The following TAFA1 variants were observed in gnomAD, a reference collection of about 807,000 sequenced individuals.
The protein encoded by TAFA1 is TAFA chemokine like family member 1.
Under a neutral mutation model 18.5 loss-of-function variants are expected in TAFA1, and 4 were observed. The ratio of observed to expected loss-of-function variants is 0.22; its 90% CI spans 0.11 to 0.49. The LOEUF is 0.49. TAFA1 is among the 20% of genes least tolerant of loss of function. The pLI is 0.98. For missense variants in TAFA1, 147 were observed against 169.0 expected, an observed-to-expected ratio of 0.87 and a Z score of 0.72; for synonymous variants, 56 against 55.2, an observed-to-expected ratio of 1.01 and a Z score of -0.06.
chr3:68,370,470 GTGTA>G (rs773052878), intron 2 of TAFA1, among the ~76,000 whole-genome samples: 125 of 31,138 alleles, frequency 4.0e-3, no homozygotes, highest in African/African-American at 9.3e-3. Flanking sequence ...GTGTGTGTGT[GTGTA>G]TATATATATA....
intron 2 of TAFA1, among the ~76,000 whole-genome samples, chr3:68,241,499 G>A (rs150114462): frequency 3.9e-4 from 59 of 152,222 alleles, no homozygotes; most frequent in African/African-American, 1.2e-3. Context: ...ATGAATCAGC[G>A]CAAAGAGAAA....
chr3:68,384,030 C>CT (rs1488881811), intron 2 of TAFA1, among the ~76,000 whole-genome samples: 1 of 151,670 alleles, frequency 6.6e-6, no homozygotes, highest in Admixed American at 6.6e-5. Context: ...AATATATTTG[C>CT]TTTTTCATTT....
At chr3:67,998,068 A>G in the TAFA1 span, among the ~76,000 whole-genome samples, 1 of 152,026 alleles carries the variant, frequency 6.6e-6, no homozygotes, top group Non-Finnish European at 1.5e-5. Flanking sequence ...AACAAAAAAA[A>G]CCATATATTA....
At chr3:68,186,252 C>CAATTA (rs2106999710) in intron 2 of TAFA1, among the ~76,000 whole-genome samples, 1 of 152,140 alleles carries the variant, frequency 6.6e-6, no homozygotes, top group African/African-American at 2.4e-5. Context: ...AGTTTTGTTG[C>CAATTA]CAGGGCAATT....
At chr3:68,267,508 T>G (rs1180969602) in intron 2 of TAFA1, among the ~76,000 whole-genome samples, 1 of 152,128 alleles carries the variant, frequency 6.6e-6, no homozygotes, top group Non-Finnish European at 1.5e-5. Context: ...ATCCCAAGAA[T>G]TATCCCACCC....
At chr3:68,449,196 A>G (rs1416685192) in intron 3 of TAFA1, among the ~76,000 whole-genome samples, 1 of 152,202 alleles carries the variant, frequency 6.6e-6, no homozygotes, top group Non-Finnish European at 1.5e-5. Flanking sequence ...GCGGTGTACC[A>G]AGCCTTGAGG....
rs529858596 is a variant in TAFA1 at position 68,440,842 on chromosome 3, G to A, written c.259+23422G>A. 2.6e-5 allele frequency among the ~76,000 whole-genome samples: 4 copies of A among 152,262 alleles called. No homozygotes were observed. In the South Asian group the frequency reaches 8.3e-4, roughly 32 times the overall value. On this transcript the variant is annotated intron_variant, in intron 3 of 4. Coordinates refer to ENST00000478136, the MANE Select transcript of TAFA1 (RefSeq NM_213609.4). ...CAGGTCAGTCACCGCAGCCAACACT[G>A]TAACCCCCTTCTTAGCCTGTTGACT...
At chr3:68,266,624 A>G (rs2107215363) in intron 2 of TAFA1, among the ~76,000 whole-genome samples, 1 of 152,178 alleles carries the variant, frequency 6.6e-6, no homozygotes, top group South Asian at 2.1e-4. Context: ...AGGGCTGCAA[A>G]CTATGTGATG....
At chr3:68,132,661 G>T (rs1293397942) in intron 2 of TAFA1, among the ~76,000 whole-genome samples, 1 of 152,054 alleles carries the variant, frequency 6.6e-6, no homozygotes, top group Non-Finnish European at 1.5e-5. Context: ...TTTGTTGGTG[G>T]CATAAATGTC....
At chr3:68,007,312 C>T (rs2106769167) in intron 2 of TAFA1, among the ~76,000 whole-genome samples, 1 of 152,274 alleles carries the variant, frequency 6.6e-6, no homozygotes, top group Middle Eastern at 3.4e-3. Flanking sequence ...AAGTCCCTCC[C>T]ACCTGATTTT....
chr3:68,128,313 C>T (rs776806755), intron 2 of TAFA1, among the ~76,000 whole-genome samples: 14 of 152,110 alleles, frequency 9.2e-5, no homozygotes, highest in African/African-American at 2.7e-4. Flanking sequence ...CCATACATCC[C>T]GCTGCTAAGG....
intron 2 of TAFA1, among the ~76,000 whole-genome samples, chr3:68,241,334 C>G (rs2066996558): frequency 6.6e-6 from 1 of 152,122 alleles, no homozygotes; most frequent in Non-Finnish European, 1.5e-5. Context: ...TTCTGTAATA[C>G]TTTTCCAGAT....
intron 3 of TAFA1, among the ~76,000 whole-genome samples, chr3:68,523,086 A>G (rs1234311247): frequency 6.6e-6 from 1 of 152,036 alleles, no homozygotes; most frequent in Non-Finnish European, 1.5e-5. Context: ...CAAAAAATAA[A>G]TAAATAAATA....
At chr3:68,386,406 GT>G (rs1048618815) in intron 2 of TAFA1, among the ~76,000 whole-genome samples, 1 of 151,712 alleles carries the variant, frequency 6.6e-6, no homozygotes, top group Non-Finnish European at 1.5e-5. Context: ...TTTTTTGTTT[GT>G]TTTTTTAGTT....
chr3:68,542,672 T>C (rs2073396118), intron 4 of TAFA1, among the ~76,000 whole-genome samples: 1 of 152,024 alleles, frequency 6.6e-6, no homozygotes, highest in Non-Finnish European at 1.5e-5. Flanking sequence ...TCTCCAGAGA[T>C]GATTTTGAGG....
chr3:68,262,320 TATATATATATATATATATATATATATATA>T (rs534364933), intron 2 of TAFA1, among the ~76,000 whole-genome samples: 11,347 of 75,520 alleles, frequency 0.15, 1,237 homozygotes, highest in East Asian at 0.47. Flanking sequence ...TATATATATA[TATATATATATATATATATATATATATATA>T]TATATATATT....
intron 2 of TAFA1, among the ~76,000 whole-genome samples, chr3:68,115,632 C>G (rs2065315957): frequency 6.6e-6 from 1 of 152,136 alleles, no homozygotes; most frequent in Non-Finnish European, 1.5e-5. Context: ...GTTTCTTGCT[C>G]CCTGAACGGT....
intron 3 of TAFA1, among the ~76,000 whole-genome samples, chr3:68,435,141 T>A (rs763297358): frequency 2.0e-5 from 3 of 152,056 alleles, no homozygotes; most frequent in Non-Finnish European, 4.4e-5. Context: ...TGGCTTCTCA[T>A]CAGAACTAAC....
intron 3 of TAFA1, among the ~76,000 whole-genome samples, chr3:68,418,708 A>T (rs1475234307): frequency 6.6e-6 from 1 of 152,204 alleles, no homozygotes; most frequent in Non-Finnish European, 1.5e-5. Flanking sequence ...TGTATTCCAG[A>T]TACCACTCTG....
Sources: allele counts gnomAD v4.1 joint callset (sites outside exome capture counted in the v4.1 genomes callset), GRCh38; gene constraint gnomAD v4.1.1; transcripts MANE v1.5; gene names NCBI Gene and HGNC (gene_info 2026-07-23, HGNC 2026-07-21).